Variants in TDRD10 observed in about 807,000 individuals in gnomAD.
TDRD10 encodes the protein tudor domain-containing protein 10.
TDRD10 carries 40 observed loss-of-function variants against 48.0 expected under a neutral mutation model. That is an observed-to-expected ratio of 0.83 (90% CI 0.65 to 1.09). TDRD10 has a LOEUF of 1.09. TDRD10 is among the 50% of genes least tolerant of loss of function. The pLI, the probability that TDRD10 is intolerant of heterozygous loss-of-function variation, is 0.00. For missense variants in TDRD10, 378 were observed against 434.7 expected, an observed-to-expected ratio of 0.87 and a Z score of 1.16; for synonymous variants, 162 against 170.4, an observed-to-expected ratio of 0.95 and a Z score of 0.38.
intron 4 of TDRD10, among the ~76,000 whole-genome samples, chr1:154,515,280 G>C (rs1487860292): frequency 6.6e-6 from 1 of 152,040 alleles, no homozygotes; most frequent in Non-Finnish European, 1.5e-5. Flanking sequence ...TTACAGGTAT[G>C]AGCCACCGCA....
intron 7 of TDRD10, 116 bp from the exon 8 acceptor site, chr1:154,542,615 T>C (rs748454951): frequency 4.2e-6 from 3 of 719,420 alleles, no homozygotes; most frequent in Non-Finnish European, 7.0e-6. Context: ...GGGTGCAGCT[T>C]CTTGGCCCAT....
In TDRD10 at chr1:154,502,420, G is replaced by C. The variant is rs1236792290; in HGVS notation, c.-637G>C. The C allele has an allele frequency of 6.5e-6, 1 of 153,346 alleles. No homozygotes were observed. Among genetic ancestry groups the C allele is most frequent in the East Asian group, 1.9e-4 (1 of 5,174 alleles). The allele number at this position is 153,346 out of a possible 1,614,324, so 9.5% of individuals were successfully genotyped here. Reference sequence around the variant, plus strand: ...CCCGGCGCAGCGACAGACGGTGGACGGACGGCGAGCGGCCCATCAACTCCG... The same window carrying C: ...CCCGGCGCAGCGACAGACGGTGGACCGACGGCGAGCGGCCCATCAACTCCG... On this transcript the variant is annotated 5_prime_UTR_variant, in exon 1 of 13. Transcript: ENST00000368482.
At chr1:154,527,664 G>A (rs1174871811) in intron 6 of TDRD10, among the ~76,000 whole-genome samples, 1 of 152,082 alleles carries the variant, frequency 6.6e-6, no homozygotes, top group African/African-American at 2.4e-5. Flanking sequence ...AGATGGATAA[G>A]TTAAAATAAA....
intron 9 of TDRD10, 76 bp from the exon 10 acceptor site, chr1:154,544,296 A>G (rs1260428397): frequency 3.9e-6 from 6 of 1,545,970 alleles, no homozygotes; most frequent in East Asian, 2.4e-5. Flanking sequence ...CGGTGCTAAC[A>G]TAACAGGTGA....
At chr1:154,542,870 T>A (rs1479280510) in intron 8 of TDRD10, 49 bp downstream of exon 8, 1 of 1,487,844 alleles carries the variant, frequency 6.7e-7, no homozygotes, top group East Asian at 2.3e-5. Flanking sequence ...ATTACAGACA[T>A]CCTCTGTCCC....
intron 4 of TDRD10, among the ~76,000 whole-genome samples, chr1:154,509,613 T>A (rs1279182119): frequency 6.6e-6 from 1 of 152,148 alleles, no homozygotes; most frequent in African/African-American, 2.4e-5. Flanking sequence ...GATATGGAAA[T>A]AACTCACCAA....
At chr1:154,537,702 G>A (rs927930935) in intron 6 of TDRD10, among the ~76,000 whole-genome samples, 2 of 152,264 alleles carry the variant, frequency 1.3e-5, no homozygotes, top group Middle Eastern at 3.4e-3. Context: ...GTGTGGAGGG[G>A]ACTGGATGGA....
chr1:154,531,605 A>G lies in TDRD10; in HGVS notation c.369+10126A>G, dbSNP rs369861654. ...AGTGAAGCTTCAGACCTTCGGGGTG[A>G]GTGTTACAGCTCATAAAGGCAGTGT... On this transcript the variant is annotated intron_variant, in intron 6 of 12. Coordinates refer to ENST00000368482, the MANE Select transcript of TDRD10 (RefSeq NM_182499.4). Among the ~76,000 whole-genome samples the G allele has an allele frequency of 7.2e-5, 11 of 152,246 alleles. No individual in the cohort carries two copies. The Middle Eastern group carries it at 0.014, about 188-fold the overall frequency.
intron 1 of TDRD10, among the ~76,000 whole-genome samples, chr1:154,503,682 C>T (rs1390265864): frequency 1.3e-5 from 2 of 152,124 alleles, no homozygotes; most frequent in Non-Finnish European, 2.9e-5. Context: ...TTTGGTTTAG[C>T]AAACTAAATG....
In TDRD10 at chr1:154,514,018, C is replaced by T. The variant is rs1467298665; in HGVS notation, c.141+5537C>T. ...CACCCTGGCCAGTGTGGTGAAACCT[C>T]GTCTCTACTAAAAATACAAAAATTA... On this transcript the variant is annotated intron_variant, in intron 4 of 12. Coordinates refer to ENST00000368482, the MANE Select transcript of TDRD10 (RefSeq NM_182499.4). 2.0e-5 allele frequency among the ~76,000 whole-genome samples: 3 copies of T among 152,086 alleles called. No homozygotes were observed. In the East Asian group the frequency reaches 5.8e-4, roughly 29 times the overall value.
chr1:154,532,445 C>G (rs1694685764), intron 6 of TDRD10, among the ~76,000 whole-genome samples: 1 of 152,198 alleles, frequency 6.6e-6, no homozygotes, highest in Admixed American at 6.5e-5. Flanking sequence ...TGGTTCCCAC[C>G]TGTGCTTCTC....
intron 6 of TDRD10, among the ~76,000 whole-genome samples, chr1:154,529,477 A>T (rs1694487797): frequency 6.6e-6 from 1 of 152,068 alleles, no homozygotes; most frequent in Admixed American, 6.5e-5. Flanking sequence ...TTTTGCCATT[A>T]AAAGTAATAG....
In TDRD10 at chr1:154,547,818, GC is replaced by G; in HGVS notation, c.*110del. On this transcript the variant is annotated 3_prime_UTR_variant, in exon 13 of 13. Coordinates refer to ENST00000368482, the MANE Select transcript of TDRD10 (RefSeq NM_182499.4). The stretch of plus-strand genomic sequence containing the variant: ...TCTTGAGGCCTGGGAGGTGAAAAAG[GC>G]CAGACTGTGCCCAGGATTGATTCAA... The G allele has an allele frequency of 1.5e-6, 2 of 1,348,578 alleles. No homozygotes were observed. Among genetic ancestry groups the G allele is most frequent in the Non-Finnish European group, 2.1e-6 (2 of 948,960 alleles). The allele number at this position is 1,348,578 out of a possible 1,614,324, so 83.5% of individuals were successfully genotyped here. A position where few individuals can be genotyped will look rare whatever the true frequency, so the allele number is the denominator to read the frequency against.
chr1:154,520,005 C>T (rs1033393812), intron 4 of TDRD10, among the ~76,000 whole-genome samples: 10 of 152,188 alleles, frequency 6.6e-5, no homozygotes, highest in Non-Finnish European at 1.5e-4. Flanking sequence ...CCTTTCCCTC[C>T]AAATCTGGAT....
chr1:154,536,735 C>T (rs1191408037), intron 6 of TDRD10, among the ~76,000 whole-genome samples: 4 of 152,152 alleles, frequency 2.6e-5, no homozygotes, highest in African/African-American at 4.8e-5. Flanking sequence ...GCTTTTCCAG[C>T]GTGTCCTGTA....
chr1:154,510,800 G>A (rs896678978), intron 4 of TDRD10, among the ~76,000 whole-genome samples: 5 of 150,420 alleles, frequency 3.3e-5, no homozygotes, highest in South Asian at 2.1e-4. Flanking sequence ...TAATTCCAGC[G>A]CTTTGGGAGG....
chr1:154,541,843 G>T (rs1169744899), intron 6 of TDRD10, 181 bp from the exon 7 acceptor site: 4 of 551,222 alleles, frequency 7.3e-6, no homozygotes, highest in African/African-American at 3.8e-5. Flanking sequence ...TCTTTGGGTT[G>T]GCTCAGGATG....
chr1:154,521,737 G>A lies in TDRD10; in HGVS notation c.369+258G>A, dbSNP rs752021734. 1.8e-4 allele frequency among the ~76,000 whole-genome samples: 27 copies of A among 152,208 alleles called. 1 individual carries two copies. The highest frequency in any genetic ancestry group is 1.5e-4 in the Non-Finnish European group (10 of 68,042). The stretch of plus-strand genomic sequence containing the variant: ...AAAGGGCCATTAGGCAATTCAGTCA[G>A]GGCTTTTTCAACCTGGAATATTGAA... On this transcript the variant is annotated intron_variant, in intron 6 of 12. Transcript: ENST00000368482.
At chr1:154,522,077 C>T (rs1570929864) in intron 6 of TDRD10, among the ~76,000 whole-genome samples, 2 of 152,146 alleles carry the variant, frequency 1.3e-5, no homozygotes, top group Admixed American at 6.5e-5. Context: ...TGCTAGAAGC[C>T]GACTTGGCTG....
Sources: gnomAD v4.1 joint callset for allele counts (sites outside exome capture counted in the v4.1 genomes callset) on GRCh38, gnomAD v4.1.1 for gene constraint, MANE v1.5 for transcripts, NCBI Gene and HGNC (gene_info 2026-07-23, HGNC 2026-07-21) for gene names.